XRCC6: variants seen among roughly 807,000 people sequenced by gnomAD.
XRCC6 encodes DNA repair protein Ku70.
A neutral mutation model predicts 65.7 loss-of-function variants in XRCC6; 5 were observed. That is an observed-to-expected ratio of 0.08 (90% CI 0.04 to 0.16). The LOEUF (loss-of-function observed/expected upper bound fraction) is 0.16. Ranked by LOEUF, XRCC6 falls within the 10% of genes least tolerant of loss-of-function variation. The probability of loss-of-function intolerance (pLI) is 1.00; values close to 1 mark genes in which losing one functional copy is unlikely to be tolerated. For missense variants in XRCC6, 447 were observed against 738.1 expected, an observed-to-expected ratio of 0.61 and a Z score of 4.57; for synonymous variants, 270 against 270.6, an observed-to-expected ratio of 1.00 and a Z score of 0.02.
chr22:41,627,677 A>T (rs2067693850), intron 2 of XRCC6, among the ~76,000 whole-genome samples: 2 of 151,722 alleles, frequency 1.3e-5, no homozygotes, highest in African/African-American at 2.4e-5. Context: ...GTTTTAGATC[A>T]GCCTGGGCAG....
chr22:41,621,987 T>C lies in XRCC6; in HGVS notation c.-15-3T>C, dbSNP rs2067612440. The C allele has an allele frequency of 6.2e-7, 1 of 1,613,982 alleles. No homozygotes were observed. The highest frequency in any genetic ancestry group is 1.7e-5 in the Admixed American group (1 of 59,990). ...GTTACTGACGTTAACGTCTTTCGCC[T>C]AGTGAGCAGTAGCCAACATGTCAGG... On this transcript the variant is annotated splice_region_variant and splice_polypyrimidine_tract_variant and intron_variant, in intron 1 of 12. Transcript: ENST00000360079.
At chr22:41,639,706 G>C (rs1222362511) in intron 6 of XRCC6, among the ~76,000 whole-genome samples, 1 of 121,020 alleles carries the variant, frequency 8.3e-6, no homozygotes, top group African/African-American at 3.4e-5. Flanking sequence ...TCTTTTGGCC[G>C]GGCTGGAGTG....
chr22:41,647,541 A>G (rs1449559111), intron 7 of XRCC6, among the ~76,000 whole-genome samples: 3 of 146,756 alleles, frequency 2.0e-5, no homozygotes, highest in African/African-American at 7.6e-5. Context: ...AGATCACGCC[A>G]TTGCGCTCCA....
At chr22:41,651,779 G>A (rs1274117263) in intron 8 of XRCC6, among the ~76,000 whole-genome samples, 1 of 148,986 alleles carries the variant, frequency 6.7e-6, no homozygotes, top group Non-Finnish European at 1.5e-5. Context: ...ACTGCACCTG[G>A]CCTTATTTAT....
At position 41,661,246 on chromosome 22, in the gene XRCC6, T is replaced by C. The variant is rs1005927285; in HGVS notation, c.1523-85T>C. ...ACCTTAGCAGTTAGGTGCTCTCTCT[T>C]CTGGTTCTCAGAGAGTTCTGGAAGT... is the stretch of plus-strand genomic sequence containing the variant. On this transcript the variant is annotated intron_variant, in intron 11 of 12. Coordinates refer to ENST00000360079, the MANE Select transcript of XRCC6 (RefSeq NM_001469.5). 1.1e-5 allele frequency: 13 copies of C among 1,187,906 alleles called. No homozygotes were observed. In the Admixed American group the frequency reaches 1.7e-4, roughly 15 times the overall value. The allele number at this position is 1,187,906 out of a possible 1,614,324, so 73.6% of individuals were successfully genotyped here. A position where few individuals can be genotyped will look rare whatever the true frequency, so the allele number is the denominator to read the frequency against.
rs1288687904 is a variant in XRCC6 at position 41,622,264 on chromosome 22, A to T, written c.82+178A>T. Among the ~76,000 whole-genome samples, 3 of 151,982 alleles carry T rather than the reference A, an allele frequency of 2.0e-5. No homozygotes were observed. In the East Asian group the frequency reaches 5.8e-4, roughly 29 times the overall value. On this transcript the variant is annotated intron_variant, in intron 2 of 12. Transcript: ENST00000360079. Reference sequence around the variant, plus strand: ...CCCTAGGCTCTTATATGCAGATCTTACTCTAGTGTGCCCTAAGTTTTTTTT... The same window carrying T: ...CCCTAGGCTCTTATATGCAGATCTTTCTCTAGTGTGCCCTAAGTTTTTTTT...
intron 3 of XRCC6, among the ~76,000 whole-genome samples, chr22:41,634,874 C>A (rs942096566): frequency 6.6e-6 from 1 of 152,054 alleles, no homozygotes; most frequent in Non-Finnish European, 1.5e-5. Flanking sequence ...ACCTGATGTA[C>A]CAGATGCTGA....
intron 9 of XRCC6, 141 bp from the exon 10 acceptor site, chr22:41,656,762 C>T: frequency 6.7e-6 from 7 of 1,040,388 alleles, no homozygotes; most frequent in Non-Finnish European, 9.6e-6. Flanking sequence ...TAACAAAAAC[C>T]AGCTGGTGGA....
chr22:41,628,729 G>A (rs1258783517), intron 3 of XRCC6, among the ~76,000 whole-genome samples: 1 of 152,072 alleles, frequency 6.6e-6, no homozygotes, highest in African/African-American at 2.4e-5. Flanking sequence ...CCAGCACTTT[G>A]GGAGGCTGAG....
At chr22:41,639,538 G>T (rs1475660494) in intron 6 of XRCC6, among the ~76,000 whole-genome samples, 1 of 150,290 alleles carries the variant, frequency 6.7e-6, no homozygotes, top group African/African-American at 2.4e-5. Context: ...TGTGAGATGG[G>T]GTCTCACTGC....
chr22:41,662,414 C>T (rs754179314), intron 12 of XRCC6, among the ~76,000 whole-genome samples: 1 of 152,156 alleles, frequency 6.6e-6, no homozygotes, highest in East Asian at 1.9e-4. Context: ...TACATATTTA[C>T]ACATACCAAC....
chr22:41,650,731 G>C lies in XRCC6; in HGVS notation c.969G>C (p.Gly323=). 1 of 1,613,156 alleles carries C rather than the reference G, an allele frequency of 6.2e-7. No homozygotes were observed. The highest frequency in any genetic ancestry group is 8.5e-7 in the Non-Finnish European group (1 of 1,179,704). Residue 323 remains glycine, a synonymous_variant, in exon 8 of 13, where the codon GGG becomes GGC. Coordinates refer to ENST00000360079, the MANE Select transcript of XRCC6 (RefSeq NM_001469.5). ...PSDTKRSQIY[G]SRQIILEKEE... Reference sequence around the variant, plus strand: ...TCGTTCTTCTCCTTCAGATCTATGGGAGTCGTCAGATTATACTGGAGAAAG... The same window carrying C: ...TCGTTCTTCTCCTTCAGATCTATGGCAGTCGTCAGATTATACTGGAGAAAG...
At chr22:41,655,048 C>CT (rs2068032295) in intron 9 of XRCC6, among the ~76,000 whole-genome samples, 2 of 152,308 alleles carry the variant, frequency 1.3e-5, no homozygotes, top group African/African-American at 4.8e-5. Context: ...CAGTTAGTCA[C>CT]TTAGTAGCTG....
At chr22:41,630,110 A>C (rs540483841) in intron 3 of XRCC6, among the ~76,000 whole-genome samples, 1 of 150,016 alleles carries the variant, frequency 6.7e-6, no homozygotes, top group South Asian at 2.1e-4. Flanking sequence ...CAGCCTCCCG[A>C]GTAGGTGAGA....
chr22:41,644,071 C>CGGGAG (rs1425071334), intron 6 of XRCC6, among the ~76,000 whole-genome samples: 2 of 151,960 alleles, frequency 1.3e-5, no homozygotes, highest in African/African-American at 4.8e-5. Flanking sequence ...CTCTTGAACC[C>CGGGAG]GGGAGGCGGA....
intron 6 of XRCC6, among the ~76,000 whole-genome samples, chr22:41,639,154 G>T (rs1179224492): frequency 6.6e-6 from 1 of 151,988 alleles, no homozygotes; most frequent in African/African-American, 2.4e-5. Context: ...CTGTAAATTG[G>T]TGACAACAAT....
chr22:41,663,339 C>T (rs2068116520), intron 12 of XRCC6, among the ~76,000 whole-genome samples: 1 of 152,076 alleles, frequency 6.6e-6, no homozygotes, highest in South Asian at 2.1e-4. Flanking sequence ...AAAAGATTTT[C>T]AAAGGAAGGA....
chr22:41,653,769 T>C, intron 9 of XRCC6, 79 bp downstream of exon 9: 1 of 1,495,096 alleles, frequency 6.7e-7, no homozygotes, highest in Non-Finnish European at 9.1e-7. Context: ...AATGCAGACC[T>C]ACTGAATCAT....
chr22:41,641,732 TA>T (rs1250131369), intron 6 of XRCC6, among the ~76,000 whole-genome samples: 3 of 152,176 alleles, frequency 2.0e-5, no homozygotes, highest in African/African-American at 7.2e-5. Flanking sequence ...TTATTTCACT[TA>T]ACATAGTGAA....
Sources: gnomAD v4.1 joint callset for allele counts (sites outside exome capture counted in the v4.1 genomes callset) on GRCh38, gnomAD v4.1.1 for gene constraint, MANE v1.5 for transcripts, NCBI Gene and HGNC (gene_info 2026-07-23, HGNC 2026-07-21) for gene names.